Variants in IKZF2 observed in about 807,000 individuals in gnomAD.
The protein encoded by IKZF2 is zinc finger protein Helios.
In IKZF2, 15 loss-of-function variants were observed where a neutral mutation model predicts 49.2. That is an observed-to-expected ratio of 0.30 (90% CI 0.20 to 0.47). The LOEUF (loss-of-function observed/expected upper bound fraction) is 0.47, where lower values mean the gene tolerates loss of function less well. Among genes scored for constraint, IKZF2 ranks in the 20% least tolerant of loss-of-function variants. The pLI, the probability that IKZF2 is intolerant of heterozygous loss-of-function variation, is 1.00. For synonymous variants in IKZF2, 227 were observed against 221.4 expected (o/e 1.03, Z -0.23); for missense variants, 567 against 664.6 (o/e 0.85, Z 1.61).
intron 4 of IKZF2, among the ~76,000 whole-genome samples, chr2:213,082,010 T>C (rs1322998571): frequency 6.6e-6 from 1 of 152,212 alleles, no homozygotes; most frequent in Non-Finnish European, 1.5e-5. Flanking sequence ...AAGAACTTTA[T>C]AGACCTAAAG....
chr2:213,120,888 G>A (rs1029455952), intron 4 of IKZF2, among the ~76,000 whole-genome samples: 6 of 152,070 alleles, frequency 3.9e-5, no homozygotes, highest in Admixed American at 2.0e-4. Flanking sequence ...CTACGGGTAC[G>A]TGCCACAACG....
rs1703077843 is a variant in IKZF2 at position 213,074,751 on chromosome 2, A to G, written c.140-17652T>C. Among the ~76,000 whole-genome samples, 8 of 152,318 alleles carry G rather than the reference A, an allele frequency of 5.3e-5. No homozygotes were observed. In the South Asian group the frequency reaches 1.5e-3, roughly 28 times the overall value. ...GTCTTTGCCAAGTTTTGCTACAGTA[A>G]TAGAATGCCAAATTTTCTGCAATTA... On this transcript the variant is annotated intron_variant, in intron 4 of 8. Coordinates refer to ENST00000434687, the MANE Select transcript of IKZF2 (RefSeq NM_001387220.1).
chr2:213,093,339 C>A (rs1206212286), intron 4 of IKZF2, among the ~76,000 whole-genome samples: 1 of 152,124 alleles, frequency 6.6e-6, no homozygotes, highest in Non-Finnish European at 1.5e-5. Context: ...CACAGGCCTT[C>A]TTTCAGTTCT....
At chr2:213,089,106 G>A (rs563234986) in intron 4 of IKZF2, among the ~76,000 whole-genome samples, 5 of 152,164 alleles carry the variant, frequency 3.3e-5, no homozygotes, top group Non-Finnish European at 7.4e-5. Flanking sequence ...AGCTTCACCT[G>A]TTCAAAACAG....
intron 4 of IKZF2, among the ~76,000 whole-genome samples, chr2:213,124,735 T>G (rs931718101): frequency 2.6e-5 from 4 of 152,210 alleles, no homozygotes; most frequent in African/African-American, 9.6e-5. Flanking sequence ...AGGTTTCATC[T>G]TTTCTCAAGG....
intron 8 of IKZF2, among the ~76,000 whole-genome samples, chr2:213,011,030 A>G (rs761665962): frequency 2.6e-5 from 4 of 152,066 alleles, no homozygotes; most frequent in Non-Finnish European, 5.9e-5. Flanking sequence ...GGAATTGACT[A>G]TTCAATAGTG....
chr2:213,145,983 C>T (rs1411739595), intron 4 of IKZF2, among the ~76,000 whole-genome samples: 1 of 152,052 alleles, frequency 6.6e-6, no homozygotes, highest in Non-Finnish European at 1.5e-5. Context: ...AACTGCCTTT[C>T]TGAAGCAAGT....
At chr2:213,062,083 T>C (rs563167412) in intron 4 of IKZF2, among the ~76,000 whole-genome samples, 1 of 151,708 alleles carries the variant, frequency 6.6e-6, no homozygotes, top group Non-Finnish European at 1.5e-5. Context: ...TTTATATGCA[T>C]GATAAATATA....
intron 4 of IKZF2, among the ~76,000 whole-genome samples, chr2:213,078,831 C>CTCTCCCATGTTAACCAACTGTGT (rs1703571118): frequency 6.6e-6 from 1 of 152,200 alleles, no homozygotes; most frequent in African/African-American, 2.4e-5. Context: ...AGTGATTCTT[C>CTCTCCCATGTTAACCAACTGTGT]TCTCCCATGT....
At chr2:213,069,744 C>G (rs1288476189) in intron 4 of IKZF2, among the ~76,000 whole-genome samples, 3 of 152,034 alleles carry the variant, frequency 2.0e-5, no homozygotes, top group African/African-American at 7.2e-5. Context: ...TGCCTAACAC[C>G]TTCACAGTAT....
chr2:213,056,830 T>C lies in IKZF2; in HGVS notation c.406+3A>G. 1 of 1,613,688 alleles carries C rather than the reference T, an allele frequency of 6.2e-7. No individual in the cohort carries two copies. The highest frequency in any genetic ancestry group is 8.5e-7 in the Non-Finnish European group (1 of 1,179,782). ...TCATCAGGTTATTCTTTCAGCTGCT[T>C]ACCAGTGTGACTCCTTTTATGTACC... On this transcript the variant is annotated splice_donor_region_variant and intron_variant, in intron 5 of 8. Transcript: ENST00000434687.
chr2:213,121,480 A>G (rs565045415), intron 4 of IKZF2, among the ~76,000 whole-genome samples: 15 of 152,202 alleles, frequency 9.9e-5, no homozygotes, highest in African/African-American at 2.4e-4. Context: ...TAGTAATTCA[A>G]TGTGGAAGCT....
chr2:213,038,371 A>C (rs1248781436), intron 6 of IKZF2, among the ~76,000 whole-genome samples: 2 of 152,146 alleles, frequency 1.3e-5, no homozygotes, highest in Non-Finnish European at 2.9e-5. Flanking sequence ...TCTGGTTTTA[A>C]AATAATGTAA....
intron 4 of IKZF2, among the ~76,000 whole-genome samples, chr2:213,058,031 T>G (rs764106648): frequency 1.5e-4 from 23 of 152,166 alleles, no homozygotes; most frequent in Non-Finnish European, 2.5e-4. Flanking sequence ...ATAGAAAATT[T>G]CTTAAGAAGT....
At chr2:213,011,018 A>T (rs1695887311) in intron 8 of IKZF2, among the ~76,000 whole-genome samples, 1 of 152,040 alleles carries the variant, frequency 6.6e-6, no homozygotes, top group Non-Finnish European at 1.5e-5. Context: ...TGTGTTTCCA[A>T]AGGAATTGAC....
intron 6 of IKZF2, among the ~76,000 whole-genome samples, chr2:213,031,706 A>G (rs897890221): frequency 6.6e-6 from 1 of 152,160 alleles, no homozygotes; most frequent in Non-Finnish European, 1.5e-5. Flanking sequence ...CTTCCCCAGC[A>G]TTTCCTTACC....
intron 6 of IKZF2, among the ~76,000 whole-genome samples, chr2:213,034,032 A>C (rs1390257353): frequency 6.6e-6 from 1 of 152,180 alleles, no homozygotes; most frequent in African/African-American, 2.4e-5. Flanking sequence ...TTGCTGCCTC[A>C]CCTTGCACTT....
At chr2:213,031,106 G>A (rs996231238) in intron 6 of IKZF2, among the ~76,000 whole-genome samples, 7 of 152,196 alleles carry the variant, frequency 4.6e-5, no homozygotes, top group East Asian at 1.9e-4. Context: ...GATTACAGGC[G>A]TGTGCCACTG....
At chr2:213,067,407 T>C (rs1702262934) in intron 4 of IKZF2, among the ~76,000 whole-genome samples, 1 of 151,914 alleles carries the variant, frequency 6.6e-6, no homozygotes, top group Admixed American at 6.6e-5. Context: ...GCACTCAAGA[T>C]AGGGGCAAGC....
Sources: allele counts gnomAD v4.1 joint callset (sites outside exome capture counted in the v4.1 genomes callset), GRCh38; gene constraint gnomAD v4.1.1; transcripts MANE v1.5; gene names NCBI Gene and HGNC (gene_info 2026-07-23, HGNC 2026-07-21).